BCAS3: variants seen among roughly 807,000 people sequenced by gnomAD.
The protein encoded by BCAS3 is BCAS3 microtubule associated cell migration factor, also known as BCAS4/BCAS3 fusion.
Under a neutral mutation model 116.1 loss-of-function variants are expected in BCAS3, and 53 were observed. That is an observed-to-expected ratio of 0.46 (90% confidence interval 0.37 to 0.57). The LOEUF (loss-of-function observed/expected upper bound fraction) is 0.57. Among genes scored for constraint, BCAS3 ranks in the 20% least tolerant of loss-of-function variants. BCAS3 has a pLI of 0.00. For synonymous variants in BCAS3, 391 were observed against 408.2 expected, an observed-to-expected ratio of 0.96 and a Z score of 0.51; for missense variants, 917 against 1,165.4, an observed-to-expected ratio of 0.79 and a Z score of 3.10.
In BCAS3 at chr17:60,729,695, A is replaced by C. The variant is rs138808224; in HGVS notation, c.322-17503A>C. Among the ~76,000 whole-genome samples, 217 of 152,366 alleles carry C rather than the reference A, an allele frequency of 1.4e-3. 2 individuals are homozygous for C. The East Asian group carries it at 0.017, about 12-fold the overall frequency. On this transcript the variant is annotated intron_variant, in intron 5 of 23. Transcript: ENST00000407086. ...TAAATCAAGATAGGTTTACAATACC[A>C]TTAAAATGTAACAAATTCAGTCTTT...
At chr17:61,114,313 A>G (rs1415512848) in intron 22 of BCAS3, among the ~76,000 whole-genome samples, 2 of 145,184 alleles carry the variant, frequency 1.4e-5, no homozygotes, top group Admixed American at 7.0e-5. Flanking sequence ...GTGTTTGCAG[A>G]TGACATGATT....
chr17:60,718,979 G>A (rs373881020), intron 5 of BCAS3, among the ~76,000 whole-genome samples: 3 of 152,018 alleles, frequency 2.0e-5, no homozygotes, highest in South Asian at 4.2e-4. Context: ...GGAGAATGGC[G>A]TGATCCCAGG....
At chr17:60,974,973 G>GTT (rs199766737) in intron 14 of BCAS3, among the ~76,000 whole-genome samples, 9 of 136,964 alleles carry the variant, frequency 6.6e-5, no homozygotes, top group African/African-American at 3.1e-4. Flanking sequence ...CAAGCCATTT[G>GTT]TTTTTTTTGT....
intron 14 of BCAS3, among the ~76,000 whole-genome samples, chr17:60,957,217 A>T (rs189636928): frequency 5.3e-5 from 8 of 152,326 alleles, no homozygotes; most frequent in Non-Finnish European, 1.2e-4. Context: ...ACAAAATCAG[A>T]AAAGTGTTAA....
intron 6 of BCAS3, among the ~76,000 whole-genome samples, chr17:60,786,921 CT>C (rs903214661): frequency 4.8e-4 from 73 of 152,208 alleles, no homozygotes; most frequent in African/African-American, 1.6e-3. Flanking sequence ...TGTTTTCCAA[CT>C]TTTTATTTTC....
At chr17:60,705,912 A>G (rs1412203352) in intron 4 of BCAS3, among the ~76,000 whole-genome samples, 2 of 152,300 alleles carry the variant, frequency 1.3e-5, no homozygotes, top group East Asian at 1.9e-4. Flanking sequence ...GAAGTACAGT[A>G]TATTTCCATA....
At position 61,237,499 on chromosome 17, in the gene BCAS3, GT is replaced by G. The variant is rs1210185883; in HGVS notation, c.2426-130826del. 2.0e-5 allele frequency among the ~76,000 whole-genome samples: 3 copies of G among 152,222 alleles called. No individual in the cohort carries two copies. The East Asian group carries it at 5.8e-4, about 29-fold the overall frequency. On this transcript the variant is annotated intron_variant, in intron 22 of 23. Coordinates refer to ENST00000407086, the MANE Select transcript of BCAS3 (RefSeq NM_017679.5). The stretch of plus-strand genomic sequence containing the variant: ...GCCCCCTAGCAGGCTGTGGAAGCTG[GT>G]TCTTTTGCTCTTCACAATAAATCTT...
intron 22 of BCAS3, among the ~76,000 whole-genome samples, chr17:61,236,738 T>A (rs1260972883): frequency 6.6e-6 from 1 of 152,006 alleles, no homozygotes; most frequent in Non-Finnish European, 1.5e-5. Flanking sequence ...TTCAAAATGT[T>A]GTAAGTGGAG....
chr17:61,224,104 A>G lies in BCAS3; in HGVS notation c.2425+139540A>G, dbSNP rs1568608762. Among the ~76,000 whole-genome samples, 1 of 152,172 alleles carries G rather than the reference A, an allele frequency of 6.6e-6. No homozygotes were observed. The highest frequency in any genetic ancestry group is 2.4e-5 in the African/African-American group (1 of 41,432). On this transcript the variant is annotated intron_variant, in intron 22 of 23. Transcript: ENST00000407086. This position sits in a 1 kb window ranked among gnomAD's most constrained non-coding sequence, Gnocchi z 5.7. ...ATTTGATAGTCCCATCTTTTCTCCT[A>G]TATTTGATTATAGAAAGCAGTTTTT...
chr17:60,816,279 C>CTCTT (rs2049387586), intron 7 of BCAS3, among the ~76,000 whole-genome samples: 1 of 140,108 alleles, frequency 7.1e-6, no homozygotes, highest in African/African-American at 2.7e-5. Context: ...TTTTTCTTTT[C>CTCTT]TTTTTTTTTT....
chr17:61,322,422 ACCAGCATTG>A (rs2055295860), intron 22 of BCAS3, among the ~76,000 whole-genome samples: 1 of 152,182 alleles, frequency 6.6e-6, no homozygotes, highest in South Asian at 2.1e-4. Context: ...CTTGGTGAGG[ACCAGCATTG>A]CCTGCCAGGG....
chr17:60,721,428 A>T (rs1001710781), intron 5 of BCAS3, among the ~76,000 whole-genome samples: 2 of 152,234 alleles, frequency 1.3e-5, no homozygotes, highest in African/African-American at 2.4e-5. Flanking sequence ...ATATTGGTGG[A>T]TTAAAATATC....
intron 22 of BCAS3, among the ~76,000 whole-genome samples, chr17:61,238,189 A>G (rs2083211889): frequency 6.7e-6 from 1 of 150,196 alleles, no homozygotes; most frequent in Non-Finnish European, 1.5e-5. Context: ...AGTAGCTGGG[A>G]TTACAGGCAC....
chr17:60,876,129 G>A (rs1278879054), intron 9 of BCAS3, among the ~76,000 whole-genome samples: 3 of 151,950 alleles, frequency 2.0e-5, no homozygotes, highest in East Asian at 3.9e-4. Context: ...ATGTAAACTT[G>A]TAAAGTCCTG....
Position 61,088,801 on chromosome 17 carries a change from C to A in BCAS3, c.2425+4237C>A, listed in dbSNP as rs917624530. On this transcript the variant is annotated intron_variant, in intron 22 of 23. Coordinates refer to ENST00000407086, the MANE Select transcript of BCAS3 (RefSeq NM_017679.5). This position sits in a 1 kb window ranked among gnomAD's most constrained non-coding sequence, Gnocchi z 4.2. ...ATTGAGATCGAAAGACAAACTTATG[C>A]GTGACTCATATGCAGAGCAGACATC... 7.2e-5 allele frequency among the ~76,000 whole-genome samples: 11 copies of A among 152,150 alleles called. No homozygotes were observed. The highest frequency in any genetic ancestry group is 1.3e-4 in the Non-Finnish European group (9 of 68,028).
intron 19 of BCAS3, among the ~76,000 whole-genome samples, chr17:61,054,301 G>A (rs1409895509): frequency 6.6e-6 from 1 of 152,122 alleles, no homozygotes; most frequent in Non-Finnish European, 1.5e-5. Flanking sequence ...TCTGTCATTT[G>A]CTTTAGTATT....
chr17:60,870,734 T>C (rs1430338845), intron 8 of BCAS3, among the ~76,000 whole-genome samples: 1 of 152,188 alleles, frequency 6.6e-6, no homozygotes, highest in African/African-American at 2.4e-5. Flanking sequence ...ATGTGACTTA[T>C]AAAGGTTCCG....
intron 22 of BCAS3, among the ~76,000 whole-genome samples, chr17:61,295,771 T>C (rs978337366): frequency 8.7e-5 from 13 of 149,348 alleles, no homozygotes; most frequent in Non-Finnish European, 5.9e-5. Context: ...ACCAACATGG[T>C]GAAACCCCCG....
At chr17:60,908,681 G>A (rs1206812048) in intron 11 of BCAS3, among the ~76,000 whole-genome samples, 1 of 152,178 alleles carries the variant, frequency 6.6e-6, no homozygotes, top group Non-Finnish European at 1.5e-5. Flanking sequence ...GAACGTTGAT[G>A]TGTTTTATAA....
Sources: allele counts gnomAD v4.1 joint callset (sites outside exome capture counted in the v4.1 genomes callset), GRCh38; gene constraint gnomAD v4.1.1; non-coding constraint Gnocchi (gnomAD v3.1); transcripts MANE v1.5; gene names NCBI Gene and HGNC (gene_info 2026-07-23, HGNC 2026-07-21).